Variants in RANBP2 observed in about 807,000 individuals in gnomAD.
The protein encoded by RANBP2 is E3 SUMO-protein ligase RanBP2.
RANBP2 carries 57 observed loss-of-function variants against 303.6 expected under a neutral mutation model. That is an observed-to-expected ratio of 0.19 (90% CI 0.15 to 0.23). RANBP2 has a LOEUF of 0.23. Among genes scored for constraint, RANBP2 ranks in the 10% least tolerant of loss-of-function variants. The probability of loss-of-function intolerance (pLI) is 1.00; values close to 1 mark genes in which losing one functional copy is unlikely to be tolerated. For missense variants in RANBP2, 3,138 were observed against 3,780.8 expected, an observed-to-expected ratio of 0.83 and a Z score of 4.46; for synonymous variants, 1,167 against 1,301.5, an observed-to-expected ratio of 0.90 and a Z score of 2.23.
chr2:108,828,295 G>A, the RANBP2 span, among the ~76,000 whole-genome samples: 3 of 152,116 alleles, frequency 2.0e-5, no homozygotes, highest in African/African-American at 7.2e-5. Context: ...ATAACAAAAT[G>A]AAGACTATAG....
At chr2:108,771,298 C>T (rs536711015) in intron 20 of RANBP2, among the ~76,000 whole-genome samples, 183 of 151,466 alleles carry the variant, frequency 1.2e-3, no homozygotes, top group African/African-American at 4.4e-3. Flanking sequence ...TAATACTTGC[C>T]TATGTTTTAA....
the RANBP2 span, among the ~76,000 whole-genome samples, chr2:109,204,251 T>G: frequency 6.6e-6 from 1 of 152,242 alleles, no homozygotes; most frequent in Non-Finnish European, 1.5e-5. Context: ...AAACTTACTT[T>G]GCTTATGCCC....
chr2:109,484,340 T>A, the RANBP2 span, among the ~76,000 whole-genome samples: 1 of 152,158 alleles, frequency 6.6e-6, no homozygotes, highest in Non-Finnish European at 1.5e-5. Context: ...GTGCTGGGAT[T>A]ACAGGCATGA....
At chr2:109,579,385 C>CT in the RANBP2 span, among the ~76,000 whole-genome samples, 552 of 139,364 alleles carry the variant, frequency 4.0e-3, 3 homozygotes, top group African/African-American at 9.0e-3. Flanking sequence ...CCAGGCCCTC[C>CT]TTTTTTTTTT....
At chr2:109,107,436 C>T in the RANBP2 span, among the ~76,000 whole-genome samples, 1 of 152,248 alleles carries the variant, frequency 6.6e-6, no homozygotes, top group East Asian at 1.9e-4. Flanking sequence ...CTGAACGGGA[C>T]CAGGAGCAGT....
At chr2:108,757,519 A>G (rs1676405765) in intron 17 of RANBP2, among the ~76,000 whole-genome samples, 1 of 152,250 alleles carries the variant, frequency 6.6e-6, no homozygotes, top group African/African-American at 2.4e-5. Context: ...ATTATTATAT[A>G]CATAATAAAT....
chr2:109,370,689 T>C, the RANBP2 span, among the ~76,000 whole-genome samples: 2 of 152,172 alleles, frequency 1.3e-5, no homozygotes, highest in African/African-American at 4.8e-5. Context: ...TTGGTACCTG[T>C]GACAGTGTCC....
chr2:109,599,635 A>C, the RANBP2 span, among the ~76,000 whole-genome samples: 1 of 151,940 alleles, frequency 6.6e-6, no homozygotes, highest in African/African-American at 2.4e-5. Flanking sequence ...ATACCATCAA[A>C]CTCCAACAAA....
chr2:108,962,544 G>A, the RANBP2 span, among the ~76,000 whole-genome samples: 15 of 151,812 alleles, frequency 9.9e-5, no homozygotes, highest in Admixed American at 6.5e-5. Context: ...GCGTGGTGGC[G>A]GGCGCCTGTA....
At chr2:108,786,736 T>C, downstream of RANBP2, 5 of 1,267,000 alleles carry the variant, frequency 3.9e-6, no homozygotes, top group Non-Finnish European at 5.6e-6. Context: ...GGGCGGGGTC[T>C]GGCACGTCGT....
the RANBP2 span, among the ~76,000 whole-genome samples, chr2:109,557,537 T>C: frequency 2.0e-5 from 3 of 152,200 alleles, no homozygotes; most frequent in African/African-American, 7.2e-5. Context: ...CTACCACAAA[T>C]CAGATTGCCC....
the RANBP2 span, among the ~76,000 whole-genome samples, chr2:109,569,558 G>A: frequency 2.6e-5 from 4 of 151,860 alleles, no homozygotes; most frequent in Non-Finnish European, 4.4e-5. Flanking sequence ...TGCTCCCAAG[G>A]AGAGAAATTT....
the RANBP2 span, chr2:108,910,976 T>C: frequency 6.2e-7 from 1 of 1,613,912 alleles, no homozygotes; most frequent in South Asian, 1.1e-5. Context: ...CTTCAGGATG[T>C]AGAACATGAT....
At chr2:109,138,508 A>C in the RANBP2 span, among the ~76,000 whole-genome samples, 1 of 152,366 alleles carries the variant, frequency 6.6e-6, no homozygotes, top group East Asian at 1.9e-4. Flanking sequence ...CAAAGTGGCA[A>C]GCAAATTTTG....
the RANBP2 span, among the ~76,000 whole-genome samples, chr2:109,418,463 G>A: frequency 6.6e-6 from 1 of 152,106 alleles, no homozygotes; most frequent in Non-Finnish European, 1.5e-5. Flanking sequence ...GCTCCCTCCT[G>A]GCTTTGGTGG....
the RANBP2 span, among the ~76,000 whole-genome samples, chr2:109,512,091 G>T: frequency 1.3e-5 from 2 of 152,170 alleles, no homozygotes; most frequent in Non-Finnish European, 2.9e-5. Flanking sequence ...CAACTCTAGT[G>T]GGGGCTGTGA....
the RANBP2 span, among the ~76,000 whole-genome samples, chr2:109,327,526 A>C: frequency 1.3e-5 from 2 of 152,234 alleles, no homozygotes; most frequent in African/African-American, 2.4e-5. Flanking sequence ...AATCCCGTCG[A>C]GATTTAAATT....
chr2:109,536,343 A>G, the RANBP2 span, among the ~76,000 whole-genome samples: 3 of 152,204 alleles, frequency 2.0e-5, no homozygotes, highest in African/African-American at 4.8e-5. Context: ...CTTGCATCAC[A>G]TGACCTGGAG....
chr2:108,997,655 G>A, the RANBP2 span, among the ~76,000 whole-genome samples: 1 of 151,864 alleles, frequency 6.6e-6, no homozygotes, highest in Admixed American at 6.6e-5. Flanking sequence ...ACTGTGAGAG[G>A]CCGAGGTGGG....
Sources: allele counts gnomAD v4.1 joint callset (sites outside exome capture counted in the v4.1 genomes callset), GRCh38; gene constraint gnomAD v4.1.1; transcripts MANE v1.5; gene names NCBI Gene and HGNC (gene_info 2026-07-23, HGNC 2026-07-21).